The following CXCL5 variants were observed in gnomAD, a reference collection of about 807,000 sequenced individuals.
CXCL5 encodes the protein C-X-C motif chemokine ligand 5, also known as C-X-C motif chemokine 5.
Under a neutral mutation model 12.1 loss-of-function variants are expected in CXCL5, and 13 were observed. That is an observed-to-expected ratio of 1.08 (90% confidence interval 0.70 to 1.71). CXCL5 has a LOEUF of 1.71. Among genes scored for constraint, CXCL5 ranks in the 40% most tolerant of loss-of-function variants. CXCL5 has a pLI of 0.00. For synonymous variants in CXCL5, 67 were observed against 59.0 expected, an observed-to-expected ratio of 1.14 and a Z score of -0.62; for missense variants, 159 against 142.4, an observed-to-expected ratio of 1.12 and a Z score of -0.59.
rs1719190835 is a variant in CXCL5 at position 73,996,290 on chromosome 4, A to T, written c.*1347T>A. 2 of 152,586 alleles carry T rather than the reference A, an allele frequency of 1.3e-5. No homozygotes were observed. Among genetic ancestry groups the T allele is most frequent in the African/African-American group, 4.8e-5 (2 of 41,420 alleles). 9.5% of individuals were successfully genotyped at this position (152,586 alleles called of 1,614,324 possible). ...TCCCACCAGGACTAGAACAGGCTTT[A>T]CATTCAGACAGAAATGCTTCAAAAT... On this transcript the variant is annotated 3_prime_UTR_variant, in exon 4 of 4. Coordinates refer to ENST00000296027, the MANE Select transcript of CXCL5 (RefSeq NM_002994.5).
At position 73,998,671 on chromosome 4, in the gene CXCL5, G is replaced by A; in HGVS notation, c.-90C>T. 2.6e-6 allele frequency: 3 copies of A among 1,145,606 alleles called. No homozygotes were observed. Among genetic ancestry groups the A allele is most frequent in the Non-Finnish European group, 3.8e-6 (3 of 782,622 alleles). 71.0% of individuals were successfully genotyped at this position (1,145,606 alleles called of 1,614,324 possible). On this transcript the variant is annotated 5_prime_UTR_variant, in exon 1 of 4. Transcript: ENST00000296027. ...AGGAGCGAAGATTGGAGGATCCGGA[G>A]CACTGTGGCTTCCTCGTGCCTTCTG...
Position 73,997,048 on chromosome 4 carries a change from A to G in CXCL5, c.*589T>C, listed in dbSNP as rs2109819117. ...AATTCTGAATAAGGAAATATATTCT[A>G]CATAGATAAGGTGTGAAACACTCAG... On this transcript the variant is annotated 3_prime_UTR_variant, in exon 4 of 4. Transcript: ENST00000296027. The G allele has an allele frequency of 6.6e-6, 1 of 152,360 alleles. No individual in the cohort carries two copies. The highest frequency in any genetic ancestry group is 2.1e-4 in the South Asian group (1 of 4,832). The allele number at this position is 152,360 out of a possible 1,614,324, so 9.4% of individuals were successfully genotyped here. A position where few individuals can be genotyped will look rare whatever the true frequency, so the allele number is the denominator to read the frequency against.
rs1578182938 is a variant in CXCL5, at chr4:73,997,950, T to C, written c.326+62A>G. 3.8e-6 allele frequency: 5 copies of C among 1,323,240 alleles called. 1 individual carries two copies. The Admixed American group carries it at 9.4e-5, about 25-fold the overall frequency. 82.0% of individuals were successfully genotyped at this position (1,323,240 alleles called of 1,614,324 possible). A position where few individuals can be genotyped will look rare whatever the true frequency, so the allele number is the denominator to read the frequency against. ...TAAATCGTACAGAGAATAAAGACCT[T>C]GTGAAGTCTATGGTCTCCCTAGATC... On this transcript the variant is annotated intron_variant, in intron 3 of 3. Transcript: ENST00000296027.
At chr4:73,997,921 T>A (rs997404230) in intron 3 of CXCL5, 91 bp downstream of exon 3, 1 of 1,144,010 alleles carries the variant, frequency 8.7e-7, no homozygotes, top group Non-Finnish European at 1.3e-6. Flanking sequence ...TGAAAAGTGT[T>A]ACTTAAATCG....
chr4:73,997,655 A>C lies in CXCL5; in HGVS notation c.327T>G (p.Gly109=). Residue 109 remains glycine, a splice_region_variant and synonymous_variant, in exon 4 of 4, where the codon GGT becomes GGG. Transcript: ENST00000296027. The stretch of plus-strand genomic sequence containing the variant: ...CTCTTAATCAGTTTTCCTTGTTTCC[A>C]CTGTTGAGAAAAATGTTATATTAGT... ...LKKVIQKILD[G]GNKEN The C allele has an allele frequency of 6.2e-7, 1 of 1,607,736 alleles. No individual in the cohort carries two copies. Among genetic ancestry groups the C allele is most frequent in the African/African-American group, 1.3e-5 (1 of 74,682 alleles).
chr4:73,998,455 C>T lies in CXCL5; in HGVS notation c.109+18G>A, dbSNP rs1560549501. The T allele has an allele frequency of 3.1e-6, 5 of 1,605,552 alleles. No individual in the cohort carries two copies. Among genetic ancestry groups the T allele is most frequent in the Admixed American group, 1.7e-5 (1 of 58,852 alleles). The stretch of plus-strand genomic sequence containing the variant: ...TGTGCCCGAGTGCGAGTGCGTCCCG[C>T]GCGCCATGCGCTCTCACCGCTGGCG... On this transcript the variant is annotated intron_variant, in intron 1 of 3. Transcript: ENST00000296027.
rs1270254776 is a variant in CXCL5, at chr4:73,996,429, G to A, written c.*1208C>T. 6.6e-6 allele frequency: 1 copy of A among 152,572 alleles called. No homozygotes were observed. The highest frequency in any genetic ancestry group is 2.4e-5 in the African/African-American group (1 of 41,436). 9.5% of individuals were successfully genotyped at this position (152,572 alleles called of 1,614,324 possible). ...GTTCTACTCTGTGAAAGGGGCCAAA[G>A]CTGTGAGTGGGGAGGGAACTTGCCC... On this transcript the variant is annotated 3_prime_UTR_variant, in exon 4 of 4. Transcript: ENST00000296027.
Position 73,997,083 on chromosome 4 carries a change from G to A in CXCL5, c.*554C>T, listed in dbSNP as rs1419927741. On this transcript the variant is annotated 3_prime_UTR_variant, in exon 4 of 4. Coordinates refer to ENST00000296027, the MANE Select transcript of CXCL5 (RefSeq NM_002994.5). The stretch of plus-strand genomic sequence containing the variant: ...GGTGTGAAACACTCAGCTTTCTAAA[G>A]TGAAATAATTAAATAGTATCCCACA... The A allele has an allele frequency of 6.6e-6, 1 of 152,190 alleles. No homozygotes were observed. Among genetic ancestry groups the A allele is most frequent in the African/African-American group, 2.4e-5 (1 of 41,440 alleles). 9.4% of individuals were successfully genotyped at this position (152,190 alleles called of 1,614,324 possible). A position where few individuals can be genotyped will look rare whatever the true frequency, so the allele number is the denominator to read the frequency against.
rs11551733 is a variant in CXCL5 at position 73,998,549 on chromosome 4, G to C, written c.33C>G (p.Val11=). MSLLSSRAAR[V]PGPSSSLCAL... ...CGCACAAGGAGCTCGAAGGACCGGG[G>C]ACACGGGCCGCGCGGCTGGACAGGA... Residue 11 remains valine, a synonymous_variant, in exon 1 of 4, where the codon GTC becomes GTG. Transcript: ENST00000296027. 6.3e-7 allele frequency: 1 copy of C among 1,593,092 alleles called. No individual in the cohort carries two copies. The highest frequency in any genetic ancestry group is 8.5e-7 in the Non-Finnish European group (1 of 1,169,600).
At position 73,997,024 on chromosome 4, in the gene CXCL5, AT is replaced by A. The variant is rs1482183525; in HGVS notation, c.*612del. On this transcript the variant is annotated 3_prime_UTR_variant, in exon 4 of 4. Transcript: ENST00000296027. ...CCTCATAGAACTTAAACTTTTAGAA[AT>A]TCTGAATAAGGAAATATATTCTACA... 2.6e-5 allele frequency: 4 copies of A among 152,370 alleles called. No homozygotes were observed. Among genetic ancestry groups the A allele is most frequent in the African/African-American group, 9.6e-5 (4 of 41,588 alleles). 9.4% of individuals were successfully genotyped at this position (152,370 alleles called of 1,614,324 possible).
chr4:73,997,903 T>A, intron 3 of CXCL5, 109 bp downstream of exon 3: 1 of 1,081,992 alleles, frequency 9.2e-7, no homozygotes, highest in South Asian at 1.4e-5. Flanking sequence ...ACCTTTTAAT[T>A]CTAAACATGA....
rs1209250069 is a variant in CXCL5 at position 73,997,282 on chromosome 4, A to T, written c.*355T>A. On this transcript the variant is annotated 3_prime_UTR_variant, in exon 4 of 4. Coordinates refer to ENST00000296027, the MANE Select transcript of CXCL5 (RefSeq NM_002994.5). ...AATATCTTAAGGAATATTTCTTGGA[A>T]ATATAATAGTCACCTACAATTCAAG... The T allele has an allele frequency of 8.9e-6, 2 of 224,010 alleles. 1 individual carries two copies. Among genetic ancestry groups the T allele is most frequent in the African/African-American group, 4.5e-5 (2 of 44,360 alleles). 13.9% of individuals were successfully genotyped at this position (224,010 alleles called of 1,614,324 possible).
rs886388735 is a variant in CXCL5 at position 73,998,309 on chromosome 4, GCT to G, written c.137_138del (p.Glu46AlafsTer19). 8 of 1,614,120 alleles carry G rather than the reference GCT, an allele frequency of 5.0e-6. No individual in the cohort carries two copies. Among genetic ancestry groups the G allele is most frequent in the African/African-American group, 2.7e-5 (2 of 74,952 alleles). ...SAGPAAAVLR[E>X]LRCVCLQTTQ... Reference sequence around the variant, plus strand: ...GTGGTCTGTAAACAAACGCAACGCAGCTCTCTCAACACAGCAGCGGCAGGACC... The same window carrying G: ...GTGGTCTGTAAACAAACGCAACGCAGCTCTCAACACAGCAGCGGCAGGACC... On this transcript the variant is annotated frameshift_variant, in exon 2 of 4. Coordinates refer to ENST00000296027, the MANE Select transcript of CXCL5 (RefSeq NM_002994.5). LOFTEE classifies it high-confidence loss of function.
chr4:73,998,431 G>T, intron 1 of CXCL5, 42 bp downstream of exon 1: 1 of 1,607,548 alleles, frequency 6.2e-7, no homozygotes, highest in East Asian at 2.2e-5. Context: ...ATGCACCTCT[G>T]TGCCCGAGTG....
rs1719255264 is a variant in CXCL5, at chr4:73,998,573, G to A, written c.9C>T (p.Leu3=). Residue 3 remains leucine (L), a synonymous_variant, in exon 1 of 4, where the codon CTC becomes CTT. Coordinates refer to ENST00000296027, the MANE Select transcript of CXCL5 (RefSeq NM_002994.5). MS[L]LSSRAARVPG... Reference sequence around the variant, plus strand: ...GGACACGGGCCGCGCGGCTGGACAGGAGGCTCATAGTGGTCAAGAGAGCGC... The same window carrying A: ...GGACACGGGCCGCGCGGCTGGACAGAAGGCTCATAGTGGTCAAGAGAGCGC... 1 of 1,586,160 alleles carries A rather than the reference G, an allele frequency of 6.3e-7. No individual in the cohort carries two copies. Among genetic ancestry groups the A allele is most frequent in the Non-Finnish European group, 8.6e-7 (1 of 1,166,162 alleles).
rs201520116 is a variant in CXCL5, at chr4:73,996,758, G to A, written c.*879C>T. 1 of 152,448 alleles carries A rather than the reference G, an allele frequency of 6.6e-6. No individual in the cohort carries two copies. Among genetic ancestry groups the A allele is most frequent in the Admixed American group, 6.6e-5 (1 of 15,256 alleles). The allele number at this position is 152,448 out of a possible 1,614,324, so 9.4% of individuals were successfully genotyped here. On this transcript the variant is annotated 3_prime_UTR_variant, in exon 4 of 4. Transcript: ENST00000296027. ...CTTTCAGAGTACAAGTCATTGTTAA[G>A]TTTGCCTTTACTTTAAAAACTAAAA...
In CXCL5 at chr4:73,995,660, T is replaced by C. The variant is rs986095206; in HGVS notation, c.*1977A>G. 6.6e-6 allele frequency: 1 copy of C among 151,958 alleles called. No individual in the cohort carries two copies. The highest frequency in any genetic ancestry group is 1.5e-5 in the Non-Finnish European group (1 of 67,984). 9.4% of individuals were successfully genotyped at this position (151,958 alleles called of 1,614,324 possible). A position where few individuals can be genotyped will look rare whatever the true frequency, so the allele number is the denominator to read the frequency against. On this transcript the variant is annotated 3_prime_UTR_variant, in exon 4 of 4. Transcript: ENST00000296027. ...ATATGAGTGAAGTTTAGAAATCTTT[T>C]AATGTTTATTCAAAGGACAAAATAA...
chr4:73,998,642 T>C lies in CXCL5; in HGVS notation c.-61A>G, dbSNP rs1719257637. 7.0e-6 allele frequency: 10 copies of C among 1,431,984 alleles called. 1 individual carries two copies. In the South Asian group the frequency reaches 8.6e-5, roughly 12 times the overall value. The allele number at this position is 1,431,984 out of a possible 1,614,324, so 88.7% of individuals were successfully genotyped here. The stretch of plus-strand genomic sequence containing the variant: ...CCTGAACTGGGTGGAGGAGCGGAGA[T>C]TGGAGGAGCGAAGATTGGAGGATCC... On this transcript the variant is annotated 5_prime_UTR_variant, in exon 1 of 4. Coordinates refer to ENST00000296027, the MANE Select transcript of CXCL5 (RefSeq NM_002994.5).
chr4:73,997,780 G>A, intron 3 of CXCL5, 125 bp from the exon 4 acceptor site: 1 of 829,102 alleles, frequency 1.2e-6, no homozygotes, highest in South Asian at 1.7e-5. Flanking sequence ...TAAAAGCAAT[G>A]GGTAAACAAA....
Sources: allele counts gnomAD v4.1 joint callset, GRCh38; gene constraint gnomAD v4.1.1; transcripts MANE v1.5; gene names NCBI Gene and HGNC (gene_info 2026-07-23, HGNC 2026-07-21).